Variants in ELOVL5 observed in about 807,000 individuals in gnomAD.
ELOVL5 encodes ELOVL fatty acid elongase 5, also known as very long chain fatty acid elongase 5.
Under a neutral mutation model 38.6 loss-of-function variants are expected in ELOVL5, and 8 were observed. That is an observed-to-expected ratio of 0.21 (90% confidence interval 0.12 to 0.37). The LOEUF is 0.37. ELOVL5 is among the 10% of genes least tolerant of loss of function. The probability of loss-of-function intolerance (pLI) is 1.00; values close to 1 mark genes in which losing one functional copy is unlikely to be tolerated. For missense variants in ELOVL5, 280 were observed against 367.8 expected (o/e 0.76, Z 1.95); for synonymous variants, 127 against 133.7 (o/e 0.95, Z 0.34).
intron 3 of ELOVL5, among the ~76,000 whole-genome samples, chr6:53,280,263 A>T (rs1320261180): frequency 6.6e-6 from 1 of 152,238 alleles, no homozygotes; most frequent in Admixed American, 6.5e-5. Flanking sequence ...AAAGCAGGCC[A>T]TCACAAACAG....
chr6:53,327,404 C>T (rs910786859), intron 1 of ELOVL5, among the ~76,000 whole-genome samples: 1 of 152,156 alleles, frequency 6.6e-6, no homozygotes, highest in African/African-American at 2.4e-5. Flanking sequence ...AACTTGAAAA[C>T]ATTATGCTAA....
intron 1 of ELOVL5, among the ~76,000 whole-genome samples, chr6:53,337,807 A>G (rs1466169150): frequency 1.3e-5 from 2 of 152,196 alleles, no homozygotes; most frequent in Admixed American, 6.5e-5. Flanking sequence ...CTGACATGCT[A>G]TGGAAGGCTG....
chr6:53,308,850 T>C (rs1017057187), intron 1 of ELOVL5, among the ~76,000 whole-genome samples: 23 of 123,282 alleles, frequency 1.9e-4, no homozygotes, highest in African/African-American at 7.2e-4. Flanking sequence ...CCCTGTTTCC[T>C]CTAATTCCAC....
In ELOVL5 at chr6:53,291,850, G is replaced by A. The variant is rs370976035; in HGVS notation, c.172C>T (p.Pro58Ser). ...LGPKYMRNKQ[P>S]FSCRGILVVY... is the part of the protein sequence containing the mutation. ...ACTAAAATCCCCCGGCAAGAGAATG[G>A]CTGTTTATTCCTCATGTATTTTGGT... The change falls in exon 3 of 8, where the codon CCA becomes TCA. Residue 58 changes from proline to serine, a missense_variant. Coordinates refer to ENST00000304434, the MANE Select transcript of ELOVL5 (RefSeq NM_021814.5). The A allele has an allele frequency of 1.9e-5, 31 of 1,613,796 alleles. No homozygotes were observed. The highest frequency in any genetic ancestry group is 2.7e-5 in the African/African-American group (2 of 74,890).
At chr6:53,295,442 C>T (rs1472608338) in intron 2 of ELOVL5, among the ~76,000 whole-genome samples, 200 bp downstream of exon 2, 1 of 152,162 alleles carries the variant, frequency 6.6e-6, no homozygotes, top group Non-Finnish European at 1.5e-5. Flanking sequence ...TTTTAAACTC[C>T]AGTTAAAGTC....
At chr6:53,319,499 G>A (rs1197439875) in intron 1 of ELOVL5, among the ~76,000 whole-genome samples, 1 of 152,166 alleles carries the variant, frequency 6.6e-6, no homozygotes, top group Non-Finnish European at 1.5e-5. Context: ...GGAGCAACAT[G>A]TGGCTACTAG....
chr6:53,272,656 T>C (rs1051270668), intron 6 of ELOVL5, among the ~76,000 whole-genome samples: 15 of 152,112 alleles, frequency 9.9e-5, no homozygotes, highest in African/African-American at 2.9e-4. Flanking sequence ...TGGTGAGAAG[T>C]ATCAGGTGAA....
intron 3 of ELOVL5, chr6:53,277,017 T>C (rs572940303): frequency 4.8e-5 from 7 of 145,434 alleles, no homozygotes; most frequent in Admixed American, 2.0e-4. Context: ...CCAGCAGTTA[T>C]CACGGGCCCC....
intron 1 of ELOVL5, among the ~76,000 whole-genome samples, chr6:53,309,109 G>A (rs889948150): frequency 6.6e-6 from 1 of 152,108 alleles, no homozygotes; most frequent in Non-Finnish European, 1.5e-5. Flanking sequence ...ACTATCAGTA[G>A]AGGAGATCCA....
chr6:53,302,138 T>G (rs937674585), intron 1 of ELOVL5, among the ~76,000 whole-genome samples: 7 of 152,110 alleles, frequency 4.6e-5, no homozygotes, highest in Non-Finnish European at 1.0e-4. Flanking sequence ...CTGGAAATAC[T>G]AACACGAGCA....
chr6:53,325,852 G>T (rs1411092894), intron 1 of ELOVL5, among the ~76,000 whole-genome samples: 1 of 152,188 alleles, frequency 6.6e-6, no homozygotes, highest in Non-Finnish European at 1.5e-5. Context: ...TAATTGGCTG[G>T]CATGTGTTAA....
At chr6:53,305,559 G>C (rs908101629) in intron 1 of ELOVL5, among the ~76,000 whole-genome samples, 1 of 150,998 alleles carries the variant, frequency 6.6e-6, no homozygotes, top group Non-Finnish European at 1.5e-5. Context: ...TCACCTCCCA[G>C]ACGGGGTCGC....
At position 53,333,783 on chromosome 6, in the gene ELOVL5, A is replaced by G. The variant is rs566794296; in HGVS notation, c.-9+15034T>C. On this transcript the variant is annotated intron_variant, in intron 1 of 7. Transcript: ENST00000304434. ...TGTGGTTTATGGAAGTCATTACTCT[A>G]TTAGTCATGCCCCATATCTATATAG... 3.9e-5 allele frequency among the ~76,000 whole-genome samples: 6 copies of G among 152,338 alleles called. No homozygotes were observed. The South Asian group carries it at 1.2e-3, about 32-fold the overall frequency.
At chr6:53,308,453 G>C (rs1767693157) in intron 1 of ELOVL5, among the ~76,000 whole-genome samples, 2 of 152,152 alleles carry the variant, frequency 1.3e-5, no homozygotes, top group African/African-American at 4.8e-5. Flanking sequence ...GAAACTAAGA[G>C]TGAATGAATG....
chr6:53,284,109 C>G (rs1766470925), intron 3 of ELOVL5, among the ~76,000 whole-genome samples: 1 of 151,804 alleles, frequency 6.6e-6, no homozygotes, highest in Admixed American at 6.6e-5. Context: ...AATTTGAGAC[C>G]AGCTTGGGCA....
chr6:53,300,193 C>T (rs2127577665), intron 1 of ELOVL5, among the ~76,000 whole-genome samples: 1 of 152,280 alleles, frequency 6.6e-6, no homozygotes, highest in African/African-American at 2.4e-5. Context: ...TCAGGCAAGG[C>T]TGTTTGTTTC....
intron 1 of ELOVL5, among the ~76,000 whole-genome samples, chr6:53,310,802 C>T (rs1026772474): frequency 5.3e-5 from 8 of 152,230 alleles, no homozygotes; most frequent in African/African-American, 1.9e-4. Flanking sequence ...TTATGATCTG[C>T]AACAAATTTC....
intron 1 of ELOVL5, among the ~76,000 whole-genome samples, chr6:53,330,809 T>G (rs1768766965): frequency 6.6e-6 from 1 of 152,218 alleles, no homozygotes; most frequent in Non-Finnish European, 1.5e-5. Context: ...CTATTAATTT[T>G]TCTTTTAAAA....
chr6:53,336,890 T>C (rs1185810106), intron 1 of ELOVL5: 4 of 152,176 alleles, frequency 2.6e-5, no homozygotes, highest in African/African-American at 7.2e-5. Context: ...TTAAAGACCT[T>C]CAACCATTGT....
Sources: allele counts gnomAD v4.1 joint callset (sites outside exome capture counted in the v4.1 genomes callset), GRCh38; gene constraint gnomAD v4.1.1; transcripts MANE v1.5; gene names NCBI Gene and HGNC (gene_info 2026-07-23, HGNC 2026-07-21).